ATP6V1H: variants seen among roughly 807,000 people sequenced by gnomAD.
The protein encoded by ATP6V1H is ATPase H+ transporting V1 subunit H, also known as V-type proton ATPase subunit H.
A neutral mutation model predicts 71.7 loss-of-function variants in ATP6V1H; 39 were observed. The ratio of observed to expected loss-of-function variants is 0.54; its 90% CI spans 0.42 to 0.71. ATP6V1H has a LOEUF of 0.71. Ranked by LOEUF, ATP6V1H falls within the 30% of genes least tolerant of loss-of-function variation. ATP6V1H has a pLI of 0.00. For missense variants in ATP6V1H, 509 were observed against 594.9 expected, an observed-to-expected ratio of 0.86 and a Z score of 1.50; for synonymous variants, 192 against 199.3, an observed-to-expected ratio of 0.96 and a Z score of 0.31.
intron 10 of ATP6V1H, among the ~76,000 whole-genome samples, chr8:53,770,943 T>C (rs967334431): frequency 6.6e-6 from 1 of 152,192 alleles, no homozygotes; most frequent in African/African-American, 2.4e-5. Context: ...ATAATAAAAA[T>C]CATTTTTCTT....
intron 9 of ATP6V1H, among the ~76,000 whole-genome samples, chr8:53,783,189 G>A (rs1243283302): frequency 6.6e-6 from 1 of 151,970 alleles, no homozygotes; most frequent in Non-Finnish European, 1.5e-5. Context: ...TTTTTGGTTG[G>A]TAAGCTATTA....
intron 12 of ATP6V1H, among the ~76,000 whole-genome samples, chr8:53,747,233 A>G (rs952684695): frequency 8.5e-5 from 13 of 152,178 alleles, no homozygotes; most frequent in African/African-American, 3.1e-4. Context: ...ACACTATAAC[A>G]TATTATGATT....
intron 12 of ATP6V1H, among the ~76,000 whole-genome samples, chr8:53,747,035 C>G (rs897278795): frequency 6.6e-6 from 1 of 152,028 alleles, no homozygotes; most frequent in African/African-American, 2.4e-5. Context: ...CTGATGAAAC[C>G]AAAAAATGTA....
At chr8:53,784,097 G>C (rs1239933464) in intron 9 of ATP6V1H, among the ~76,000 whole-genome samples, 1 of 149,646 alleles carries the variant, frequency 6.7e-6, no homozygotes, top group Non-Finnish European at 1.5e-5. Flanking sequence ...TGGATATCTT[G>C]TTAACTTTCT....
At chr8:53,730,150 G>A (rs1241838570) in intron 13 of ATP6V1H, among the ~76,000 whole-genome samples, 5 of 152,170 alleles carry the variant, frequency 3.3e-5, no homozygotes, top group Non-Finnish European at 7.4e-5. Context: ...CTACTGCCTG[G>A]CTCACTTCCC....
rs1340684542 is a variant in ATP6V1H at position 53,781,940 on chromosome 8, A to G, written c.871-9773T>C. ...CCAGTACCATGCTGTTTTGGTTACT[A>G]TAGCCTTGTAGTATAGTTTGAAGTC... is the stretch of plus-strand genomic sequence containing the variant. On this transcript the variant is annotated intron_variant, in intron 9 of 13. Coordinates refer to ENST00000359530, the MANE Select transcript of ATP6V1H (RefSeq NM_015941.4). Among the ~76,000 whole-genome samples, 5 of 152,226 alleles carry G rather than the reference A, an allele frequency of 3.3e-5. No homozygotes were observed. The East Asian group carries it at 5.8e-4, about 18-fold the overall frequency.
chr8:53,755,717 TATATATATATATATATATATATATA>T (rs1563451109), intron 12 of ATP6V1H, among the ~76,000 whole-genome samples: 23 of 7,250 alleles, frequency 3.2e-3, no homozygotes, highest in South Asian at 7.5e-3. Flanking sequence ...TATATATATA[TATATATATATATATATATATATATA>T]TATTTTTTTT....
intron 9 of ATP6V1H, among the ~76,000 whole-genome samples, chr8:53,774,482 C>A (rs1230805747): frequency 6.6e-6 from 1 of 152,162 alleles, no homozygotes; most frequent in Non-Finnish European, 1.5e-5. Context: ...GAATTTCTAT[C>A]ATGTTACTAT....
chr8:53,783,102 G>A (rs1200409001), intron 9 of ATP6V1H, among the ~76,000 whole-genome samples: 1 of 152,038 alleles, frequency 6.6e-6, no homozygotes, highest in African/African-American at 2.4e-5. Context: ...GATTGGAATA[G>A]TTTCAGAAGG....
intron 12 of ATP6V1H, among the ~76,000 whole-genome samples, chr8:53,755,717 TATATATATATATATATA>T (rs1808013092): frequency 1.4e-4 from 1 of 7,256 alleles, no homozygotes; most frequent in African/African-American, 7.1e-4. Context: ...TATATATATA[TATATATATATATATATA>T]TATATATATA....
intron 11 of ATP6V1H, among the ~76,000 whole-genome samples, chr8:53,767,206 A>G (rs1448607400): frequency 6.6e-6 from 1 of 152,212 alleles, no homozygotes; most frequent in African/African-American, 2.4e-5. Flanking sequence ...TCCTAATGCA[A>G]ACTATGTATG....
chr8:53,817,659 T>C (rs1810495912), intron 4 of ATP6V1H, 129 bp from the exon 5 acceptor site: 1 of 576,972 alleles, frequency 1.7e-6, no homozygotes, highest in Non-Finnish European at 3.0e-6. Context: ...GTGTGATTTG[T>C]CTGTCATTAT....
Position 53,801,838 on chromosome 8 carries a change from T to C in ATP6V1H, c.638A>G (p.Glu213Gly). The change falls in exon 8 of 14, where the codon GAG becomes GGG. Residue 213 changes from glutamate to glycine, a missense_variant. Transcript: ENST00000359530. ...GCLQLMLRVN[E>G]YRFAWVEADG... is the part of the protein sequence containing the mutation. ...TGCTTCCACCCAAGCAAAGCGGTAC[T>C]CATTGACCCGGAGCATCAGCTGCAA... The C allele has an allele frequency of 6.2e-7, 1 of 1,614,090 alleles. No individual in the cohort carries two copies. Among genetic ancestry groups the C allele is most frequent in the Non-Finnish European group, 8.5e-7 (1 of 1,180,000 alleles).
intron 13 of ATP6V1H, among the ~76,000 whole-genome samples, chr8:53,717,214 C>A (rs1806454596): frequency 6.6e-6 from 1 of 152,230 alleles, no homozygotes. Context: ...CTGCTCTCCC[C>A]CTGCTACTGC....
rs550394558 is a variant in ATP6V1H, at chr8:53,733,176, G to A, written c.1391+10401C>T. 5.9e-5 allele frequency among the ~76,000 whole-genome samples: 9 copies of A among 152,250 alleles called. No homozygotes were observed. The South Asian group carries it at 1.2e-3, about 21-fold the overall frequency. ...CATAACCCTACTTAGGCTGACTGCC[G>A]CCAGCTGCTCATGTACTGAGGACAG... On this transcript the variant is annotated intron_variant, in intron 13 of 13. Transcript: ENST00000359530.
chr8:53,839,175 A>G (rs1811268510), intron 2 of ATP6V1H, among the ~76,000 whole-genome samples: 2 of 152,250 alleles, frequency 1.3e-5, no homozygotes, highest in African/African-American at 4.8e-5. Context: ...ATGTAACTAC[A>G]AACATTCCAA....
intron 13 of ATP6V1H, among the ~76,000 whole-genome samples, chr8:53,717,360 G>T (rs1022743962): frequency 6.6e-6 from 1 of 152,152 alleles, no homozygotes; most frequent in Non-Finnish European, 1.5e-5. Flanking sequence ...GAAGTGTCAC[G>T]CACCACTCCC....
intron 13 of ATP6V1H, among the ~76,000 whole-genome samples, chr8:53,729,704 T>G (rs1282899647): frequency 6.6e-6 from 1 of 152,156 alleles, no homozygotes; most frequent in Non-Finnish European, 1.5e-5. Context: ...TCTTGTAAAC[T>G]ACAAGTGAGA....
intron 11 of ATP6V1H, among the ~76,000 whole-genome samples, chr8:53,766,460 T>C (rs1395660849): frequency 6.6e-6 from 1 of 152,152 alleles, no homozygotes; most frequent in African/African-American, 2.4e-5. Flanking sequence ...CATTATGAAA[T>C]GTGGGCACCC....
Sources: gnomAD v4.1 joint callset for allele counts (sites outside exome capture counted in the v4.1 genomes callset) on GRCh38, gnomAD v4.1.1 for gene constraint, MANE v1.5 for transcripts, NCBI Gene and HGNC (gene_info 2026-07-23, HGNC 2026-07-21) for gene names.